The following SLC6A17 variants were observed in gnomAD, a reference collection of about 807,000 sequenced individuals.
SLC6A17 encodes the protein solute carrier family 6 member 17, also known as sodium-dependent neutral amino acid transporter SLC6A17.
A neutral mutation model predicts 64.5 loss-of-function variants in SLC6A17; 21 were observed. The ratio of observed to expected loss-of-function variants is 0.33; its 90% CI spans 0.23 to 0.47. SLC6A17 has a LOEUF of 0.47. SLC6A17 is among the 20% of genes least tolerant of loss of function. The pLI is 1.00. For missense variants in SLC6A17, 682 were observed against 963.2 expected (o/e 0.71, Z 3.86); for synonymous variants, 372 against 399.5 (o/e 0.93, Z 0.82).
At position 110,150,632 on chromosome 1, in the gene SLC6A17, G is replaced by A. The variant is rs1655569996; in HGVS notation, c.-339G>A. The A allele has an allele frequency of 6.6e-6, 1 of 152,296 alleles. No individual in the cohort carries two copies. The highest frequency in any genetic ancestry group is 1.5e-5 in the Non-Finnish European group (1 of 68,082). 9.4% of individuals were successfully genotyped at this position (152,296 alleles called of 1,614,324 possible). On this transcript the variant is annotated 5_prime_UTR_variant, in exon 1 of 12. Transcript: ENST00000331565. ...ATCCCGCGCGCTCTCTCCGCCGTGG[G>A]ACCTGGGTCCCCGCGCCGCTCCCCT... is the stretch of plus-strand genomic sequence containing the variant.
At chr1:110,167,819 C>G (rs752372965) in intron 2 of SLC6A17, among the ~76,000 whole-genome samples, 13 of 152,202 alleles carry the variant, frequency 8.5e-5, no homozygotes, top group Non-Finnish European at 1.8e-4. Flanking sequence ...GACTACAATA[C>G]TGAGGCACAA....
chr1:110,197,074 C>T (rs1177110644), intron 10 of SLC6A17, among the ~76,000 whole-genome samples: 3 of 152,240 alleles, frequency 2.0e-5, no homozygotes, highest in Non-Finnish European at 4.4e-5. Context: ...AAGTGCACTT[C>T]TACTGCTTTT....
intron 1 of SLC6A17, among the ~76,000 whole-genome samples, chr1:110,165,907 G>T (rs1656039124): frequency 6.6e-6 from 1 of 152,244 alleles, no homozygotes; most frequent in Admixed American, 6.5e-5. Flanking sequence ...TAATGAGGGG[G>T]TGCCTTGAAA....
chr1:110,198,083 A>G lies in SLC6A17; in HGVS notation c.1823A>G (p.Glu608Gly). The stretch of plus-strand genomic sequence containing the variant: ...AAGGCAGCCCACCCGCAGGCTGCCG[A>G]GCGCTACCTGTATTTCCCCAACTGG... ...YSAWIKEEAA[E>G]RYLYFPNWAM... Residue 608 changes from glutamate to glycine, a missense_variant, in exon 12 of 12, where the codon GAG becomes GGG. Transcript: ENST00000331565. 1 of 1,611,240 alleles carries G rather than the reference A, an allele frequency of 6.2e-7. No individual in the cohort carries two copies. The highest frequency in any genetic ancestry group is 8.5e-7 in the Non-Finnish European group (1 of 1,178,698).
At chr1:110,174,248 G>T in intron 4 of SLC6A17, 149 bp downstream of exon 4, 1 of 1,166,000 alleles carries the variant, frequency 8.6e-7, no homozygotes, top group Non-Finnish European at 1.2e-6. Context: ...CCCTTCCCCA[G>T]TGGGAATGGT....
At chr1:110,171,287 C>A (rs7554444) in intron 2 of SLC6A17, among the ~76,000 whole-genome samples, 138 of 151,982 alleles carry the variant, frequency 9.1e-4, no homozygotes, top group Non-Finnish European at 1.8e-3. Flanking sequence ...CAGCTCTCAG[C>A]AGGGTGCACT....
At chr1:110,187,506 G>T (rs1268455669) in intron 6 of SLC6A17, among the ~76,000 whole-genome samples, 1 of 152,352 alleles carries the variant, frequency 6.6e-6, no homozygotes, top group East Asian at 1.9e-4. Flanking sequence ...AGTTCATGAT[G>T]TACAGAGAAA....
At chr1:110,189,034 G>A (rs1656758937) in intron 6 of SLC6A17, among the ~76,000 whole-genome samples, 1 of 152,126 alleles carries the variant, frequency 6.6e-6, no homozygotes, top group Non-Finnish European at 1.5e-5. Flanking sequence ...CTCCCTTTCA[G>A]GAGACTCTCC....
At chr1:110,161,443 A>T (rs1474282325) in intron 1 of SLC6A17, among the ~76,000 whole-genome samples, 3 of 151,820 alleles carry the variant, frequency 2.0e-5, no homozygotes, top group Non-Finnish European at 4.4e-5. Context: ...CACCCTGAAG[A>T]GGTGCTTTTT....
At chr1:110,182,012 G>A (rs1342666535) in intron 6 of SLC6A17, among the ~76,000 whole-genome samples, 2 of 152,154 alleles carry the variant, frequency 1.3e-5, no homozygotes, top group South Asian at 2.1e-4. Flanking sequence ...TTCTTAGGAC[G>A]ATCATTCTAA....
rs115011773 is a variant in SLC6A17 at position 110,173,203 on chromosome 1, C to G, written c.445-770C>G. 4.3e-3 allele frequency among the ~76,000 whole-genome samples: 660 copies of G among 152,356 alleles called. 8 individuals are homozygous for G. Among genetic ancestry groups the G allele is most frequent in the African/African-American group, 0.015 (613 of 41,584 alleles). The stretch of plus-strand genomic sequence containing the variant: ...GTCTGTGCTCCCAGAAGGGTCTGCT[C>G]TATGAGCAGCTGCTCCTGCACACAT... On this transcript the variant is annotated intron_variant, in intron 3 of 11. Transcript: ENST00000331565.
In SLC6A17 at chr1:110,198,457, C is replaced by A; in HGVS notation, c.*13C>A. 2 of 1,586,778 alleles carry A rather than the reference C, an allele frequency of 1.3e-6. No individual in the cohort carries two copies. The highest frequency in any genetic ancestry group is 1.7e-6 in the Non-Finnish European group (2 of 1,165,430). The stretch of plus-strand genomic sequence containing the variant: ...GTCGGAGCTGTGACCACTGCCCAAG[C>A]CCTGCCCGCCTCTCCCCCCACGCTC... On this transcript the variant is annotated 3_prime_UTR_variant, in exon 12 of 12. Transcript: ENST00000331565.
chr1:110,177,962 G>A (rs1393927253), intron 6 of SLC6A17: 2 of 152,198 alleles, frequency 1.3e-5, no homozygotes, highest in East Asian at 3.8e-4. Flanking sequence ...CAACTTCAAA[G>A]GTCCACTTTA....
intron 10 of SLC6A17, among the ~76,000 whole-genome samples, chr1:110,197,198 G>A (rs556407194): frequency 6.6e-6 from 1 of 152,314 alleles, no homozygotes; most frequent in East Asian, 1.9e-4. Flanking sequence ...TGTCTGGTGG[G>A]CCCTATCATA....
intron 9 of SLC6A17, 75 bp downstream of exon 9, chr1:110,194,846 C>CTG (rs765332343): frequency 6.4e-6 from 10 of 1,567,048 alleles, no homozygotes; most frequent in Non-Finnish European, 8.6e-6. Flanking sequence ...TGGCTTCTGA[C>CTG]TGGGTCCTTC....
intron 6 of SLC6A17, among the ~76,000 whole-genome samples, chr1:110,187,585 T>C (rs970451977): frequency 1.3e-5 from 2 of 152,232 alleles, no homozygotes; most frequent in African/African-American, 4.8e-5. Context: ...AATCTCAACA[T>C]ACCTTCTTTT....
At chr1:110,187,659 G>T (rs180858008) in intron 6 of SLC6A17, among the ~76,000 whole-genome samples, 18 of 152,360 alleles carry the variant, frequency 1.2e-4, no homozygotes, top group East Asian at 3.9e-4. Context: ...CCCATGAGGT[G>T]CTGGTTTCTA....
chr1:110,173,840 A>G (rs1656303472), intron 3 of SLC6A17, 133 bp from the exon 4 acceptor site: 1 of 1,344,014 alleles, frequency 7.4e-7, no homozygotes, highest in South Asian at 1.6e-5. Flanking sequence ...CCCGCACCCT[A>G]TCCCTCCTTG....
chr1:110,172,416 G>C (rs1005324096), intron 3 of SLC6A17, 199 bp downstream of exon 3: 1 of 680,720 alleles, frequency 1.5e-6, no homozygotes, highest in Non-Finnish European at 2.4e-6. Context: ...AGTCGACCAC[G>C]TTGCCTGAAA....
Sources: gnomAD v4.1 joint callset for allele counts (sites outside exome capture counted in the v4.1 genomes callset) on GRCh38, gnomAD v4.1.1 for gene constraint, MANE v1.5 for transcripts, NCBI Gene and HGNC (gene_info 2026-07-23, HGNC 2026-07-21) for gene names.